The following DLG2 variants were observed in gnomAD, a reference collection of about 807,000 sequenced individuals.
The protein encoded by DLG2 is disks large homolog 2.
In DLG2, 45 loss-of-function variants were observed where a neutral mutation model predicts 132.5. The observed-to-expected ratio is 0.34, with a 90% CI of 0.27 to 0.44. The LOEUF is 0.44. DLG2 is among the 20% of genes least tolerant of loss of function. The pLI, the probability that DLG2 is intolerant of heterozygous loss-of-function variation, is 1.00. For missense variants in DLG2, 1,045 were observed against 1,196.9 expected, an observed-to-expected ratio of 0.87 and a Z score of 1.87; for synonymous variants, 424 against 419.6, an observed-to-expected ratio of 1.01 and a Z score of -0.13.
chr11:84,720,611 G>A (rs924155036), intron 6 of DLG2, among the ~76,000 whole-genome samples: 8 of 152,048 alleles, frequency 5.3e-5, no homozygotes, highest in Non-Finnish European at 1.5e-5. Context: ...TGTGGGGGGA[G>A]GGACAGAACC....
intron 5 of DLG2, among the ~76,000 whole-genome samples, chr11:85,140,247 A>T (rs1211801426): frequency 6.6e-6 from 1 of 151,956 alleles, no homozygotes; most frequent in East Asian, 1.9e-4. Flanking sequence ...ACTGTTTTCC[A>T]TAATGGCTGT....
At position 84,115,083 on chromosome 11, in the gene DLG2, G is replaced by A. The variant is rs141464937; in HGVS notation, c.625-16036C>T. On this transcript the variant is annotated intron_variant, in intron 9 of 27. Coordinates refer to ENST00000376104, the MANE Select transcript of DLG2 (RefSeq NM_001142699.3). ...TGCAAGGCCCATTGGCAGTGGTAAG[G>A]ATTTCAAAGACCTAACTTTCTGTTT... Among the ~76,000 whole-genome samples, 1,497 of 152,238 alleles carry A rather than the reference G, an allele frequency of 9.8e-3. 11 individuals are homozygous for A. Among genetic ancestry groups the A allele is most frequent in the Non-Finnish European group, 0.015 (992 of 67,996 alleles).
At chr11:84,437,010 T>A (rs1266490851) in intron 7 of DLG2, among the ~76,000 whole-genome samples, 3 of 152,044 alleles carry the variant, frequency 2.0e-5, no homozygotes, top group Non-Finnish European at 4.4e-5. Flanking sequence ...GAACCAAAGA[T>A]CACAATAATA....
intron 3 of DLG2, among the ~76,000 whole-genome samples, chr11:85,412,995 T>C (rs1188888477): frequency 6.6e-6 from 1 of 151,878 alleles, no homozygotes; most frequent in Non-Finnish European, 1.5e-5. Flanking sequence ...CAAACTGTTT[T>C]CCATAGTGGT....
intron 15 of DLG2, among the ~76,000 whole-genome samples, chr11:83,885,725 G>T (rs1178972746): frequency 6.6e-6 from 1 of 152,188 alleles, no homozygotes; most frequent in Non-Finnish European, 1.5e-5. Flanking sequence ...ACAAAGGGAA[G>T]CCCATCAGAC....
intron 7 of DLG2, among the ~76,000 whole-genome samples, chr11:84,465,851 A>T (rs1158436652): frequency 6.6e-6 from 1 of 151,252 alleles, no homozygotes; most frequent in South Asian, 2.1e-4. Flanking sequence ...GTGGCCATAG[A>T]TCAAATCCTA....
chr11:83,645,923 A>T (rs924154471), intron 18 of DLG2: 2 of 152,226 alleles, frequency 1.3e-5, no homozygotes, highest in African/African-American at 4.8e-5. Flanking sequence ...CTTGCTCGAG[A>T]ATGGTATTCA....
At chr11:85,561,133 A>T (rs1483974342) in intron 3 of DLG2, among the ~76,000 whole-genome samples, 2 of 150,898 alleles carry the variant, frequency 1.3e-5, no homozygotes. Context: ...AGGCAAGAGG[A>T]TCATTTAAGG....
At chr11:83,785,026 T>C (rs990457598) in intron 18 of DLG2, among the ~76,000 whole-genome samples, 1 of 152,048 alleles carries the variant, frequency 6.6e-6, no homozygotes, top group Non-Finnish European at 1.5e-5. Flanking sequence ...GGTACCAGCA[T>C]ATATCTTTTA....
Position 84,059,404 on chromosome 11 carries a change from T to C in DLG2, c.830A>G (p.Glu277Gly). 6.2e-7 allele frequency: 1 copy of C among 1,613,520 alleles called. No individual in the cohort carries two copies. Among genetic ancestry groups the C allele is most frequent in the Non-Finnish European group, 8.5e-7 (1 of 1,179,766 alleles). The change falls in exon 11 of 28, where the codon GAA (glutamate) becomes GGA (glycine). Residue 277 changes from glutamate to glycine, a missense_variant. By Grantham distance (98) the Glu-to-Gly change is moderately conservative. Transcript: ENST00000376104. ...ATACAGCCGAACGATAGACCCTGCT[T>C]CCTTCAGGGCTTCCACCGCTTTACT... is the stretch of plus-strand genomic sequence containing the variant. ...SHSKAVEALK[E>G]AGSIVRLYVR...
chr11:83,638,545 C>T lies in DLG2; in HGVS notation c.1826-5220G>A, dbSNP rs113399123. On this transcript the variant is annotated intron_variant, in intron 18 of 27. Coordinates refer to ENST00000376104, the MANE Select transcript of DLG2 (RefSeq NM_001142699.3). ...GTGTAATTCATCACCTATTCTTGTT[C>T]ATCACTTGCGAAAATTGTAACCCCT... Among the ~76,000 whole-genome samples the T allele has an allele frequency of 1.3e-4, 20 of 152,254 alleles. 1 individual carries two copies. Among genetic ancestry groups the T allele is most frequent in the African/African-American group, 4.8e-4 (20 of 41,556 alleles).
chr11:85,018,628 C>T (rs184992893), intron 6 of DLG2, among the ~76,000 whole-genome samples: 46 of 152,222 alleles, frequency 3.0e-4, no homozygotes, highest in Non-Finnish European at 5.4e-4. Flanking sequence ...CACACTCTCT[C>T]ATCCCACAAA....
At chr11:85,169,386 G>A (rs1183522952) in intron 4 of DLG2, among the ~76,000 whole-genome samples, 1 of 152,028 alleles carries the variant, frequency 6.6e-6, no homozygotes, top group Non-Finnish European at 1.5e-5. Flanking sequence ...CTGATAACAT[G>A]AAAAACGGTA....
intron 3 of DLG2, among the ~76,000 whole-genome samples, chr11:85,563,086 A>G (rs1305759300): frequency 6.6e-6 from 1 of 151,746 alleles, no homozygotes. Context: ...GCCATAATGG[A>G]AAGAGGACAG....
chr11:83,834,009 CT>C (rs1323235191), intron 16 of DLG2, among the ~76,000 whole-genome samples: 3 of 152,228 alleles, frequency 2.0e-5, no homozygotes, highest in Admixed American at 6.5e-5. Context: ...AAAAAAATTT[CT>C]TAAACTACCT....
intron 9 of DLG2, among the ~76,000 whole-genome samples, chr11:84,106,974 C>T (rs1368829724): frequency 4.5e-5 from 3 of 67,406 alleles, no homozygotes; most frequent in Non-Finnish European, 8.8e-5. Context: ...GAGTTTTAGC[C>T]TTAGGGTGTG....
intron 6 of DLG2, among the ~76,000 whole-genome samples, chr11:84,940,400 G>A (rs2049259457): frequency 1.3e-5 from 2 of 152,156 alleles, no homozygotes; most frequent in Admixed American, 1.3e-4. Context: ...TGATCCACCT[G>A]CCTAGGCCTC....
At chr11:83,953,846 T>G (rs1283207943) in intron 14 of DLG2, among the ~76,000 whole-genome samples, 2 of 152,182 alleles carry the variant, frequency 1.3e-5, no homozygotes, top group African/African-American at 2.4e-5. Flanking sequence ...TGTAAGAGGA[T>G]AGGGACCAAC....
chr11:84,305,976 T>G (rs371362431), intron 7 of DLG2, among the ~76,000 whole-genome samples: 9 of 152,220 alleles, frequency 5.9e-5, no homozygotes, highest in Admixed American at 5.9e-4. Context: ...ACTTTATTAA[T>G]GAAATTTGGT....
Sources: allele counts gnomAD v4.1 joint callset (sites outside exome capture counted in the v4.1 genomes callset), GRCh38; gene constraint gnomAD v4.1.1; transcripts MANE v1.5; gene names NCBI Gene and HGNC (gene_info 2026-07-23, HGNC 2026-07-21).